Variants in MAST4 observed in about 807,000 individuals in gnomAD.
MAST4 encodes microtubule associated serine/threonine kinase family member 4.
In MAST4, 89 loss-of-function variants were observed where a neutral mutation model predicts 162.7. The observed-to-expected ratio is 0.55, with a 90% CI of 0.46 to 0.65. The LOEUF is 0.65. MAST4 is among the 30% of genes least tolerant of loss of function. The pLI is 0.00. For synonymous variants in MAST4, 1,479 were observed against 1,361.1 expected (o/e 1.09, Z -1.91); for missense variants, 3,153 against 3,374.0 (o/e 0.93, Z 1.62).
chr5:66,839,128 T>C (rs1485737360), intron 3 of MAST4, among the ~76,000 whole-genome samples: 2 of 152,138 alleles, frequency 1.3e-5, no homozygotes, highest in African/African-American at 4.8e-5. Flanking sequence ...CTGTTGATGG[T>C]TGGCAAAAGA....
intron 1 of MAST4, among the ~76,000 whole-genome samples, chr5:66,668,464 A>G (rs1747406929): frequency 6.6e-6 from 1 of 152,218 alleles, no homozygotes; most frequent in African/African-American, 2.4e-5. Flanking sequence ...ATTTGTATCC[A>G]TTTAAGAAGG....
At chr5:66,758,751 G>T (rs1377291432) in intron 1 of MAST4, among the ~76,000 whole-genome samples, 1 of 152,146 alleles carries the variant, frequency 6.6e-6, no homozygotes, top group Non-Finnish European at 1.5e-5. Context: ...ACAAATCTCA[G>T]TGAAGCGGCT....
chr5:67,126,301 A>C (rs1768223685), intron 14 of MAST4, among the ~76,000 whole-genome samples: 1 of 152,144 alleles, frequency 6.6e-6, no homozygotes, highest in African/African-American at 2.4e-5. Flanking sequence ...TTGGTGTTTT[A>C]GTCATGAAGT....
intron 4 of MAST4, among the ~76,000 whole-genome samples, chr5:66,990,184 T>C (rs570557299): frequency 5.9e-5 from 9 of 152,328 alleles, no homozygotes; most frequent in African/African-American, 2.2e-4. Context: ...ATTGATTTTG[T>C]TTGGAAATTT....
At chr5:66,685,277 A>AAAACAAAACAAAACAAAAC (rs1554042313) in intron 1 of MAST4, among the ~76,000 whole-genome samples, 1 of 55,648 alleles carries the variant, frequency 1.8e-5, no homozygotes, top group African/African-American at 6.8e-5. Context: ...AAAACAAAAC[A>AAAACAAAACAAAACAAAAC]AAACAAAACA....
At chr5:66,935,304 G>A (rs1164605371) in intron 4 of MAST4, among the ~76,000 whole-genome samples, 1 of 152,106 alleles carries the variant, frequency 6.6e-6, no homozygotes, top group Non-Finnish European at 1.5e-5. Context: ...GATACTATGT[G>A]GTATGATGTT....
intron 11 of MAST4, 67 bp downstream of exon 11, chr5:67,110,266 C>G: frequency 8.4e-7 from 1 of 1,183,900 alleles, no homozygotes; most frequent in South Asian, 1.2e-5. Flanking sequence ...CATCAGAAAG[C>G]TCCTTCATTT....
intron 4 of MAST4, among the ~76,000 whole-genome samples, chr5:67,048,491 G>A (rs1166965366): frequency 6.6e-6 from 1 of 152,086 alleles, no homozygotes; most frequent in Admixed American, 6.5e-5. Flanking sequence ...GAGGGCAGCA[G>A]TAACATATTA....
chr5:67,104,315 C>A, intron 9 of MAST4, 51 bp from the exon 10 acceptor site: 2 of 1,348,350 alleles, frequency 1.5e-6, no homozygotes, highest in Non-Finnish European at 2.1e-6. Context: ...GAATTGTTTA[C>A]ATGTGTGTTT....
At chr5:66,779,251 C>G (rs17279423) in intron 2 of MAST4, among the ~76,000 whole-genome samples, 40,144 of 152,138 alleles carry the variant, frequency 0.26, 6,097 homozygotes, top group Non-Finnish European at 0.35. Flanking sequence ...TACCAGCCTT[C>G]CAAAAGACTT....
At chr5:66,953,980 A>T (rs1744998198) in intron 4 of MAST4, among the ~76,000 whole-genome samples, 1 of 152,172 alleles carries the variant, frequency 6.6e-6, no homozygotes, top group Admixed American at 6.5e-5. Flanking sequence ...GAGAATGCAT[A>T]GAAGAGATCT....
chr5:66,743,927 A>AG, intron 1 of MAST4, among the ~76,000 whole-genome samples: 1 of 152,222 alleles, frequency 6.6e-6, no homozygotes, highest in South Asian at 2.1e-4. Flanking sequence ...TTCGAGTGGA[A>AG]GGGGGAGAGG....
At chr5:66,851,800 A>G (rs914486779) in intron 3 of MAST4, among the ~76,000 whole-genome samples, 17 of 152,096 alleles carry the variant, frequency 1.1e-4, no homozygotes, top group Non-Finnish European at 2.4e-4. Context: ...TCTTTTTGGG[A>G]ACATTTTTGT....
At chr5:67,022,301 C>A (rs376104511) in intron 4 of MAST4, among the ~76,000 whole-genome samples, 1 of 152,040 alleles carries the variant, frequency 6.6e-6, no homozygotes, top group African/African-American at 2.4e-5. Flanking sequence ...CTTAATACAT[C>A]ATGCCAAGTA....
At chr5:67,133,181 T>A (rs190556451) in intron 16 of MAST4, among the ~76,000 whole-genome samples, 14 of 152,200 alleles carry the variant, frequency 9.2e-5, no homozygotes, top group Admixed American at 2.6e-4. Flanking sequence ...CTTTTTTTTT[T>A]ATTTTCTTAT....
At chr5:66,939,887 A>G (rs1464722801) in intron 4 of MAST4, among the ~76,000 whole-genome samples, 5 of 152,112 alleles carry the variant, frequency 3.3e-5, no homozygotes, top group Non-Finnish European at 7.4e-5. Flanking sequence ...TAAGTGTGCA[A>G]TAGCATTCTG....
intron 1 of MAST4, among the ~76,000 whole-genome samples, chr5:66,652,975 G>A (rs911815046): frequency 1.3e-5 from 2 of 152,082 alleles, no homozygotes; most frequent in African/African-American, 4.8e-5. Context: ...CAGGCCCCAC[G>A]CGGTTCTGTC....
Position 67,130,390 on chromosome 5 carries a change from C to T in MAST4, c.1926C>T (p.His642=). Residue 642 remains histidine (H), a synonymous_variant, in exon 15 of 29, where the codon CAC becomes CAT. Transcript: ENST00000403625. ...SMYCSFETRR[H]LCMVMEYVEG... is the part of the protein sequence containing the mutation. ...ATTGCTCCTTTGAAACAAGGCGCCA[C>T]TTGTGCATGGTCATGGAATATGTGG... is the stretch of plus-strand genomic sequence containing the variant. 6.2e-7 allele frequency: 1 copy of T among 1,613,940 alleles called. No individual in the cohort carries two copies. Among genetic ancestry groups the T allele is most frequent in the Non-Finnish European group, 8.5e-7 (1 of 1,179,864 alleles).
intron 3 of MAST4, among the ~76,000 whole-genome samples, chr5:66,834,881 G>A (rs924247362): frequency 6.6e-6 from 1 of 152,196 alleles, no homozygotes; most frequent in African/African-American, 2.4e-5. Flanking sequence ...GGTCGTGCAA[G>A]TAGTCTCAAT....
Sources: allele counts gnomAD v4.1 joint callset (sites outside exome capture counted in the v4.1 genomes callset), GRCh38; gene constraint gnomAD v4.1.1; transcripts MANE v1.5; gene names NCBI Gene and HGNC (gene_info 2026-07-23, HGNC 2026-07-21).